Variants in NAV3 observed in about 807,000 individuals in gnomAD.
NAV3 encodes neuron navigator 3, also known as pore membrane and/or filament interacting like protein 1.
NAV3 carries 87 observed loss-of-function variants against 244.7 expected under a neutral mutation model. The observed-to-expected ratio is 0.36, with a 90% confidence interval of 0.30 to 0.42. The LOEUF (loss-of-function observed/expected upper bound fraction) is 0.42, where lower values mean the gene tolerates loss of function less well. Ranked by LOEUF, NAV3 falls within the 20% of genes least tolerant of loss-of-function variation. The probability of loss-of-function intolerance (pLI) is 1.00; values close to 1 mark genes in which losing one functional copy is unlikely to be tolerated. For synonymous variants in NAV3, 1,126 were observed against 1,042.2 expected, an observed-to-expected ratio of 1.08 and a Z score of -1.55; for missense variants, 2,663 against 2,893.3, an observed-to-expected ratio of 0.92 and a Z score of 1.83.
intron 1 of NAV3, among the ~76,000 whole-genome samples, chr12:77,893,958 A>C (rs957845758): frequency 2.0e-5 from 3 of 152,224 alleles, no homozygotes; most frequent in Non-Finnish European, 4.4e-5. Context: ...TCAGCAGAAA[A>C]TACCAAGGAT....
At chr12:77,684,864 T>G (rs1480469609) in intron 2 of NAV3, among the ~76,000 whole-genome samples, 1 of 152,158 alleles carries the variant, frequency 6.6e-6, no homozygotes, top group Non-Finnish European at 1.5e-5. Context: ...GGTTCCGTTT[T>G]TTTCCATACA....
chr12:77,719,529 G>T (rs1347115157), intron 2 of NAV3, among the ~76,000 whole-genome samples: 2 of 151,170 alleles, frequency 1.3e-5, no homozygotes, highest in Admixed American at 1.3e-4. Context: ...GTTGAATTTT[G>T]TCAAATGATT....
intron 19 of NAV3, among the ~76,000 whole-genome samples, chr12:78,139,500 T>G (rs1956515251): frequency 6.6e-6 from 1 of 152,206 alleles, no homozygotes. Flanking sequence ...TCAACTAATG[T>G]TTGTTTAATG....
At chr12:77,578,860 CTGCCAG>C (rs1869217323) in intron 2 of NAV3, among the ~76,000 whole-genome samples, 1 of 151,814 alleles carries the variant, frequency 6.6e-6, no homozygotes, top group African/African-American at 2.4e-5. Flanking sequence ...GCCGACAGAG[CTGCCAG>C]TACCTGTTTC....
At chr12:78,159,809 T>C (rs1024017955) in intron 23 of NAV3, among the ~76,000 whole-genome samples, 30 of 152,190 alleles carry the variant, frequency 2.0e-4, no homozygotes, top group Non-Finnish European at 4.3e-4. Context: ...CTGGGCAGTC[T>C]ATTAATTTAC....
At chr12:78,117,509 A>G (rs1955472183) in intron 13 of NAV3, among the ~76,000 whole-genome samples, 1 of 147,788 alleles carries the variant, frequency 6.8e-6, no homozygotes, top group African/African-American at 2.5e-5. Flanking sequence ...CTATATTAAT[A>G]TAATAGTAAC....
At chr12:77,990,093 A>AAATCAAAATCTTTG (rs2136344842) in intron 5 of NAV3, among the ~76,000 whole-genome samples, 10 of 146,958 alleles carry the variant, frequency 6.8e-5, no homozygotes, top group East Asian at 4.0e-4. Flanking sequence ...TTCCAATGTT[A>AAATCAAAATCTTTG]TTCAAACACC....
At chr12:78,029,356 A>G (rs1376323348) in intron 9 of NAV3, among the ~76,000 whole-genome samples, 1 of 152,182 alleles carries the variant, frequency 6.6e-6, no homozygotes, top group Non-Finnish European at 1.5e-5. Context: ...GAAGATAACA[A>G]TGTTAACACT....
chr12:78,196,309 G>A lies in NAV3; in HGVS notation c.6292-938G>A, dbSNP rs575965045. On this transcript the variant is annotated intron_variant, in intron 34 of 39. Transcript: ENST00000397909. Reference sequence around the variant, plus strand: ...ACTAAATGCCTCAAAATCCTGGCCCGTTGTTTTATCTCCTACTTTTATTTC... The same window carrying A: ...ACTAAATGCCTCAAAATCCTGGCCCATTGTTTTATCTCCTACTTTTATTTC... Among the ~76,000 whole-genome samples, 15 of 152,006 alleles carry A rather than the reference G, an allele frequency of 9.9e-5. No individual in the cohort carries two copies. In the East Asian group the frequency reaches 2.9e-3, roughly 29 times the overall value.
At chr12:77,970,282 T>A (rs141544484) in intron 5 of NAV3, among the ~76,000 whole-genome samples, 224 of 152,248 alleles carry the variant, frequency 1.5e-3, no homozygotes, top group African/African-American at 5.2e-3. Flanking sequence ...CAGTTAACCT[T>A]GAGTTTGGTA....
intron 12 of NAV3, among the ~76,000 whole-genome samples, chr12:78,071,336 C>T (rs1011953945): frequency 2.0e-5 from 3 of 152,054 alleles, no homozygotes; most frequent in Non-Finnish European, 2.9e-5. Flanking sequence ...TGTTTTTTGG[C>T]TGCATAAATG....
At chr12:77,898,131 A>G (rs548990412) in intron 1 of NAV3, among the ~76,000 whole-genome samples, 1 of 152,354 alleles carries the variant, frequency 6.6e-6, no homozygotes, top group African/African-American at 2.4e-5. Context: ...GACGAATATC[A>G]CACACACTTG....
At chr12:78,104,555 C>A (rs528441316) in intron 12 of NAV3, among the ~76,000 whole-genome samples, 2 of 152,196 alleles carry the variant, frequency 1.3e-5, no homozygotes, top group South Asian at 4.2e-4. Flanking sequence ...AGTTACTGAA[C>A]GTTAAAAATC....
intron 29 of NAV3, 109 bp downstream of exon 29, chr12:78,179,791 A>C: frequency 2.5e-6 from 3 of 1,209,304 alleles, no homozygotes; most frequent in Non-Finnish European, 1.1e-6. Context: ...CCCACCTTAG[A>C]AATGTACTCT....
At chr12:77,601,825 T>C (rs1040436417) in intron 2 of NAV3, among the ~76,000 whole-genome samples, 2 of 151,982 alleles carry the variant, frequency 1.3e-5, no homozygotes, top group African/African-American at 4.8e-5. Context: ...GCTTAAGCAG[T>C]ATCCATGCAA....
At chr12:77,966,381 T>C in intron 4 of NAV3, 80 bp downstream of exon 4, 1 of 1,210,544 alleles carries the variant, frequency 8.3e-7, no homozygotes, top group South Asian at 1.3e-5. Flanking sequence ...AAATGTAACA[T>C]TGGAGTATAC....
At chr12:77,600,934 T>C (rs1384430080) in intron 2 of NAV3, among the ~76,000 whole-genome samples, 1 of 151,922 alleles carries the variant, frequency 6.6e-6, no homozygotes, top group Non-Finnish European at 1.5e-5. Flanking sequence ...AATTAGTTGG[T>C]TTTAGAAATG....
chr12:77,823,395 C>A (rs1872827767), intron 2 of NAV3, among the ~76,000 whole-genome samples: 1 of 152,006 alleles, frequency 6.6e-6, no homozygotes. Flanking sequence ...TGACAGAGGA[C>A]TTATAGAGGA....
chr12:77,782,053 A>G (rs1029407055), intron 2 of NAV3, among the ~76,000 whole-genome samples: 3 of 152,236 alleles, frequency 2.0e-5, no homozygotes, highest in Non-Finnish European at 4.4e-5. Flanking sequence ...TATGTGCCAC[A>G]TTCTTCATTT....
Sources: allele counts gnomAD v4.1 joint callset (sites outside exome capture counted in the v4.1 genomes callset), GRCh38; gene constraint gnomAD v4.1.1; transcripts MANE v1.5; gene names NCBI Gene and HGNC (gene_info 2026-07-23, HGNC 2026-07-21).